The following SH3D21 variants were observed in gnomAD, a reference collection of about 807,000 sequenced individuals.
The protein encoded by SH3D21 is SH3 domain-containing protein 21.
Under a neutral mutation model 82.1 loss-of-function variants are expected in SH3D21, and 83 were observed. That is an observed-to-expected ratio of 1.01 (90% CI 0.85 to 1.21). The LOEUF (loss-of-function observed/expected upper bound fraction) is 1.21. Among genes scored for constraint, SH3D21 ranks in the 50% most tolerant of loss-of-function variants. SH3D21 has a pLI of 0.00. For missense variants in SH3D21, 980 were observed against 962.1 expected, an observed-to-expected ratio of 1.02 and a Z score of -0.25; for synonymous variants, 383 against 387.8, an observed-to-expected ratio of 0.99 and a Z score of 0.15.
chr1:36,325,213 G>A (rs1442462960), downstream of SH3D21, among the ~76,000 whole-genome samples: 1 of 151,338 alleles, frequency 6.6e-6, no homozygotes, highest in Non-Finnish European at 1.5e-5. Flanking sequence ...GCTAATTTTT[G>A]TAGAGATGGG....
At position 36,321,019 on chromosome 1, in the gene SH3D21, G is replaced by A. The variant is rs1037622443; in HGVS notation, c.2200-37G>A. The A allele has an allele frequency of 6.3e-7, 1 of 1,590,950 alleles. No individual in the cohort carries two copies. Among genetic ancestry groups the A allele is most frequent in the African/African-American group, 1.3e-5 (1 of 74,564 alleles). ...CGGCGGGAGGGGGCTGACGGCGAGT[G>A]GCCCCCTGACAAAGTCTCCACCTCA... On this transcript the variant is annotated intron_variant, in intron 15 of 15. Coordinates refer to ENST00000453908, the MANE Select transcript of SH3D21 (RefSeq NM_001162530.2). The surrounding 1 kb of genome is among the most constrained non-coding windows in gnomAD (Gnocchi z 6.1).
downstream of SH3D21, chr1:36,322,929 G>A (rs1305363637): frequency 6.2e-7 from 1 of 1,602,602 alleles, no homozygotes; most frequent in South Asian, 1.1e-5. Flanking sequence ...ATGGTGGTCA[G>A]GGAAGGGTTC....
At chr1:36,319,215 C>T in intron 11 of SH3D21, 45 bp from the exon 12 acceptor site, 1 of 1,551,152 alleles carries the variant, frequency 6.4e-7, no homozygotes, top group Non-Finnish European at 8.7e-7. Context: ...AGGCAACGCC[C>T]CTCCCTGTGC....
chr1:36,318,801 C>T (rs922510231), intron 10 of SH3D21, among the ~76,000 whole-genome samples: 3 of 151,480 alleles, frequency 2.0e-5, no homozygotes, highest in Non-Finnish European at 2.9e-5. Flanking sequence ...CTCAGCTATT[C>T]GGGAGGCTGA....
chr1:36,322,937 T>G (rs777751058), downstream of SH3D21: 7 of 1,605,316 alleles, frequency 4.4e-6, no homozygotes, highest in South Asian at 6.6e-5. Flanking sequence ...CAGGGAAGGG[T>G]TCAGGCCCCC....
chr1:36,312,173 C>T (rs903277444), intron 10 of SH3D21, among the ~76,000 whole-genome samples: 93 of 151,940 alleles, frequency 6.1e-4, no homozygotes, highest in African/African-American at 2.0e-3. Context: ...TACAGACGCC[C>T]GCTACCACGC....
rs1039460691 is a variant in SH3D21, at chr1:36,307,113, G to T, written c.227-54G>T. The T allele has an allele frequency of 3.9e-6, 6 of 1,547,408 alleles. No homozygotes were observed. In the Admixed American group the frequency reaches 5.9e-5, roughly 15 times the overall value. ...ACGTGCGCGCCTTGCGCTTCCCCCAGCTCCTCTGACTGGGGCGTCCGACTG... is the reference window on the plus strand; with the variant it reads ...ACGTGCGCGCCTTGCGCTTCCCCCATCTCCTCTGACTGGGGCGTCCGACTG... On this transcript the variant is annotated intron_variant, in intron 3 of 15. Coordinates refer to ENST00000453908, the MANE Select transcript of SH3D21 (RefSeq NM_001162530.2). The surrounding 1 kb of genome is among the most constrained non-coding windows in gnomAD (Gnocchi z 5.4).
At position 36,320,712 on chromosome 1, in the gene SH3D21, C is replaced by G. The variant is rs758186940; in HGVS notation, c.2049C>G (p.Asn683Lys). 8 of 1,613,942 alleles carry G rather than the reference C, an allele frequency of 5.0e-6. No homozygotes were observed. The highest frequency in any genetic ancestry group is 1.7e-5 in the Admixed American group (1 of 59,938). Residue 683 changes from asparagine (N) to lysine (K), a missense_variant, in exon 14 of 16, where the codon AAC becomes AAG. Transcript: ENST00000453908. ...PSLVPQNYTE[N>K]KNEGVDVTSL... ...TGGTCCCGCAAAACTACACGGAAAACAAGAATGAAGGAGTTGATGTAACGT... is the reference window on the plus strand; with the variant it reads ...TGGTCCCGCAAAACTACACGGAAAAGAAGAATGAAGGAGTTGATGTAACGT...
chr1:36,315,052 A>G (rs1036289831), intron 10 of SH3D21, among the ~76,000 whole-genome samples: 4 of 152,090 alleles, frequency 2.6e-5, no homozygotes, highest in Non-Finnish European at 4.4e-5. Flanking sequence ...AGGCGGGCAG[A>G]TTGCTTGAGG....
intron 10 of SH3D21, among the ~76,000 whole-genome samples, chr1:36,316,798 CT>C (rs1646352989): frequency 1.4e-5 from 2 of 140,968 alleles, no homozygotes; most frequent in Non-Finnish European, 3.0e-5. Context: ...GAGTTTTGCT[CT>C]TGTTACCCAG....
At chr1:36,322,751 G>C (rs536998405), downstream of SH3D21, 1 of 1,541,490 alleles carries the variant, frequency 6.5e-7, no homozygotes, top group African/African-American at 1.4e-5. Context: ...CGGGGGTCAC[G>C]GAGAGGCCCG....
chr1:36,328,025 G>A (rs116487391), downstream of SH3D21: 1,061 of 509,662 alleles, frequency 2.1e-3, 7 homozygotes, highest in African/African-American at 0.019. Context: ...CTACCTCCTC[G>A]CTGCCTATCT....
rs1334530728 is a variant in SH3D21 at position 36,308,181 on chromosome 1, G to A, written c.611G>A (p.Arg204Lys). The A allele has an allele frequency of 5.2e-6, 8 of 1,545,424 alleles. No homozygotes were observed. The Admixed American group carries it at 1.6e-4, about 31-fold the overall frequency. ...PEAPDELALR[R>K]GDVVKVLSKT... ...GCCCCAGACGAGTTGGCGCTGCGGAGGGGGGACGTGGTAAAAGTACTCAGC... is the reference window on the plus strand; with the variant it reads ...GCCCCAGACGAGTTGGCGCTGCGGAAGGGGGACGTGGTAAAAGTACTCAGC... Residue 204 changes from arginine to lysine, a missense_variant, in exon 8 of 16, where the codon AGG becomes AAG. Physicochemically the swap from Arg to Lys is conservative, Grantham distance 26 (BLOSUM62 2). Transcript: ENST00000453908.
At chr1:36,328,324 C>T (rs929113045), downstream of SH3D21, 13 of 369,006 alleles carry the variant, frequency 3.5e-5, no homozygotes, top group Non-Finnish European at 6.5e-5. Flanking sequence ...GCTATTCTGC[C>T]GTTGACATGG....
chr1:36,329,475 C>T (rs1228281122), downstream of SH3D21, among the ~76,000 whole-genome samples: 3 of 152,186 alleles, frequency 2.0e-5, no homozygotes, highest in African/African-American at 7.2e-5. Context: ...ACAAGCCTTT[C>T]ACTTATGTTG....
rs544212631 is a variant in SH3D21, at chr1:36,320,026, G to C, written c.1363G>C (p.Glu455Gln). ...STPERVFSVEESPALEAPPMD... is the reference protein window; with the variant it reads ...STPERVFSVEQSPALEAPPMD... ...TCCAGAGAGGGTCTTTTCAGTGGAA[G>C]AGTCCCCTGCCCTAGAAGCCCCACC... The change falls in exon 14 of 16, where the codon GAG becomes CAG. Residue 455 changes from glutamate (E) to glutamine (Q), a missense_variant. Transcript: ENST00000453908. The C allele has an allele frequency of 5.5e-5, 88 of 1,614,126 alleles. No homozygotes were observed. The highest frequency in any genetic ancestry group is 4.3e-4 in the Admixed American group (26 of 60,018).
downstream of SH3D21, chr1:36,328,141 G>A: frequency 2.2e-6 from 1 of 457,086 alleles, no homozygotes; most frequent in South Asian, 1.5e-5. Flanking sequence ...AAAGCACGGA[G>A]AGTACTGCTA....
chr1:36,326,433 G>A (rs773727830), downstream of SH3D21, among the ~76,000 whole-genome samples: 8 of 152,094 alleles, frequency 5.3e-5, no homozygotes, highest in Non-Finnish European at 1.2e-4. Flanking sequence ...GTTTCTCCAT[G>A]TTGGTCAGGC....
intron 10 of SH3D21, among the ~76,000 whole-genome samples, chr1:36,318,845 C>T (rs12745177): frequency 1.3e-5 from 2 of 151,436 alleles, no homozygotes; most frequent in Admixed American, 6.6e-5. Context: ...GGAGGCAGAG[C>T]TTGCAGTGAG....
Sources: allele counts gnomAD v4.1 joint callset (sites outside exome capture counted in the v4.1 genomes callset), GRCh38; gene constraint gnomAD v4.1.1; non-coding constraint Gnocchi (gnomAD v3.1); transcripts MANE v1.5; gene names NCBI Gene and HGNC (gene_info 2026-07-23, HGNC 2026-07-21).